Variants in WNK1 observed in about 807,000 individuals in gnomAD.
The protein encoded by WNK1 is WNK lysine deficient protein kinase 1.
Under a neutral mutation model 222.8 loss-of-function variants are expected in WNK1, and 38 were observed. The observed-to-expected ratio is 0.17, with a 90% confidence interval of 0.13 to 0.22. WNK1 has a LOEUF of 0.22. Ranked by LOEUF, WNK1 falls within the 10% of genes least tolerant of loss-of-function variation. The pLI, the probability that WNK1 is intolerant of heterozygous loss-of-function variation, is 1.00. For synonymous variants in WNK1, 1,090 were observed against 1,092.9 expected (o/e 1.00, Z 0.05); for missense variants, 2,348 against 2,918.4 (o/e 0.80, Z 4.50).
At chr12:844,957 G>T (rs984287857) in intron 4 of WNK1, among the ~76,000 whole-genome samples, 10 of 145,390 alleles carry the variant, frequency 6.9e-5, no homozygotes, top group Admixed American at 1.4e-4. Flanking sequence ...GTGCAGTGGC[G>T]GGATCTCGGC....
intron 4 of WNK1, among the ~76,000 whole-genome samples, chr12:842,899 A>G (rs1324589955): frequency 1.3e-5 from 2 of 152,158 alleles, no homozygotes; most frequent in African/African-American, 4.8e-5. Context: ...AGAAGGGACC[A>G]AGACAGCTAA....
intron 1 of WNK1, among the ~76,000 whole-genome samples, chr12:786,101 CTAT>C (rs1371246789): frequency 1.3e-5 from 2 of 151,934 alleles, no homozygotes; most frequent in African/African-American, 2.4e-5. Context: ...AATTGAAGTT[CTAT>C]GTTTATTTGA....
chr12:792,480 A>AT (rs1344937493), intron 1 of WNK1, among the ~76,000 whole-genome samples: 12 of 151,442 alleles, frequency 7.9e-5, no homozygotes, highest in African/African-American at 2.9e-4. Flanking sequence ...CGCCCAGCTA[A>AT]TTTTTTTGTA....
At chr12:773,918 C>T (rs1040796341) in intron 1 of WNK1, among the ~76,000 whole-genome samples, 6 of 152,076 alleles carry the variant, frequency 3.9e-5, no homozygotes, top group African/African-American at 1.2e-4. Flanking sequence ...ATATAGTGGG[C>T]GAGGGTCTTA....
chr12:866,862 G>A (rs1951713230), intron 8 of WNK1, among the ~76,000 whole-genome samples: 1 of 152,054 alleles, frequency 6.6e-6, no homozygotes, highest in African/African-American at 2.4e-5. Flanking sequence ...AGTGGCTCAC[G>A]CCTGTAATCC....
intron 2 of WNK1, among the ~76,000 whole-genome samples, chr12:825,242 C>T (rs7137311): frequency 0.43 from 65,104 of 151,994 alleles, 15,632 homozygotes; most frequent in East Asian, 0.81. Flanking sequence ...TTTTTTAAAC[C>T]ATAAAACCCA....
intron 1 of WNK1, among the ~76,000 whole-genome samples, chr12:811,921 A>G (rs1463308257): frequency 6.6e-6 from 1 of 152,226 alleles, no homozygotes; most frequent in Non-Finnish European, 1.5e-5. Context: ...ACTTAGCTAT[A>G]TAAAGTAGCC....
intron 4 of WNK1, among the ~76,000 whole-genome samples, chr12:850,017 A>G (rs1027979517): frequency 2.6e-5 from 4 of 152,202 alleles, no homozygotes; most frequent in Admixed American, 2.0e-4. Flanking sequence ...GAATACTGCC[A>G]CAATAAACAT....
At chr12:897,704 A>C (rs752912803) in intron 25 of WNK1, 23 bp downstream of exon 25, 124 of 1,610,298 alleles carry the variant, frequency 7.7e-5, no homozygotes, top group South Asian at 2.2e-5. Flanking sequence ...GGACTAGGTC[A>C]GCCACAGCTG....
intron 22 of WNK1, among the ~76,000 whole-genome samples, chr12:893,282 ATAATT>A (rs1219106629): frequency 6.6e-6 from 1 of 152,174 alleles, no homozygotes; most frequent in East Asian, 1.9e-4. Flanking sequence ...GAAATTCTGA[ATAATT>A]TAAATGCCCA....
At position 754,158 on chromosome 12, in the gene WNK1, G is replaced by A. The variant is rs373400194; in HGVS notation, c.593G>A (p.Ser198Asn). Residue 198 changes from serine to asparagine, a missense_variant, in exon 1 of 28, where the codon AGC becomes AAC. Physicochemically the swap from Ser to Asn is conservative, Grantham distance 46 (BLOSUM62 1). Transcript: ENST00000315939. ...GSAKEPQEER[S>N]QQQDDIEELE... is the part of the protein sequence containing the mutation. ...GCCAAGGAGCCACAGGAGGAACGGA[G>A]CCAGCAGCAGGATGATATCGAAGAG... 2.5e-6 allele frequency: 4 copies of A among 1,613,154 alleles called. No individual in the cohort carries two copies. The African/African-American group carries it at 5.3e-5, about 21-fold the overall frequency.
Position 862,181 on chromosome 12 carries a change from G to A in WNK1, c.2050G>A (p.Ala684Thr). 6.2e-7 allele frequency: 1 copy of A among 1,614,086 alleles called. No individual in the cohort carries two copies. The highest frequency in any genetic ancestry group is 8.5e-7 in the Non-Finnish European group (1 of 1,180,004). The change falls in exon 8 of 28, where the codon GCA becomes ACA. Residue 684 changes from alanine to threonine, a missense_variant. Transcript: ENST00000315939. Reference protein sequence around the residue: ...TVSYGSQHEQAHSTGTVPGHI... With the variant: ...TVSYGSQHEQTHSTGTVPGHI... ...TTCATATGGTTCCCAACATGAACAG[G>A]CACATTCTACAGGCACAGTCCCAGG...
intron 3 of WNK1, among the ~76,000 whole-genome samples, chr12:828,510 G>A (rs376366849): frequency 4.6e-5 from 7 of 151,982 alleles, no homozygotes; most frequent in Non-Finnish European, 7.4e-5. Context: ...TGTCTTGTAC[G>A]TTGTAAGACT....
At chr12:773,274 C>A (rs1266629019) in intron 1 of WNK1, among the ~76,000 whole-genome samples, 1 of 151,552 alleles carries the variant, frequency 6.6e-6, no homozygotes, top group Non-Finnish European at 1.5e-5. Context: ...AAAAAAAGTT[C>A]TTTAAAGAAG....
At chr12:804,257 C>T (rs890492681) in intron 1 of WNK1, among the ~76,000 whole-genome samples, 5 of 152,268 alleles carry the variant, frequency 3.3e-5, no homozygotes, top group Middle Eastern at 3.4e-3. Flanking sequence ...AAGTAATGTT[C>T]AGCCTTTTTG....
At chr12:812,367 G>C (rs889000207) in intron 1 of WNK1, among the ~76,000 whole-genome samples, 2 of 152,208 alleles carry the variant, frequency 1.3e-5, no homozygotes, top group African/African-American at 4.8e-5. Context: ...ACAAATGGCT[G>C]TTGAACAAGT....
chr12:887,217 G>A lies in WNK1; in HGVS notation c.5281-4G>A, dbSNP rs72650740. 4.1e-3 allele frequency: 6,672 copies of A among 1,614,086 alleles called. 23 individuals are homozygous for A. The highest frequency in any genetic ancestry group is 5.1e-3 in the Non-Finnish European group (6,011 of 1,179,936). ...GGACTTGATTTTCCCTTTGTTGTCT[G>A]TAGGTGCTGCCAGTGGGTACTGAAC... is the stretch of plus-strand genomic sequence containing the variant. On this transcript the variant is annotated splice_region_variant and splice_polypyrimidine_tract_variant and intron_variant, in intron 19 of 27. Transcript: ENST00000315939.
chr12:878,462 T>C (rs1441612694), intron 10 of WNK1, 101 bp downstream of exon 10: 34 of 1,346,140 alleles, frequency 2.5e-5, no homozygotes, highest in Non-Finnish European at 3.4e-5. Context: ...GATAGACTTC[T>C]ACCTTTTCTT....
In WNK1 at chr12:861,057, T is replaced by C. The variant is rs1247161994; in HGVS notation, c.1665T>C (p.Ala555=). The change falls in exon 7 of 28, where the codon GCT becomes GCC. Residue 555 remains alanine, a synonymous_variant. Coordinates refer to ENST00000315939, the MANE Select transcript of WNK1 (RefSeq NM_018979.4). The part of the protein sequence containing the change: ...YVCEGDHKTM[A]KAIKDRVSLI... ...GTGAAGGTGATCACAAGACCATGGC[T>C]AAAGCTATCAAAGACAGAGTATCAT... 6.2e-7 allele frequency: 1 copy of C among 1,613,494 alleles called. No individual in the cohort carries two copies. The highest frequency in any genetic ancestry group is 1.3e-5 in the African/African-American group (1 of 74,716).
Sources: allele counts gnomAD v4.1 joint callset (sites outside exome capture counted in the v4.1 genomes callset), GRCh38; gene constraint gnomAD v4.1.1; transcripts MANE v1.5; gene names NCBI Gene and HGNC (gene_info 2026-07-23, HGNC 2026-07-21).